The following CTIF variants were observed in gnomAD, a reference collection of about 807,000 sequenced individuals.
The protein encoded by CTIF is CBP80/20-dependent translation initiation factor.
Under a neutral mutation model 66.0 loss-of-function variants are expected in CTIF, and 21 were observed. The observed-to-expected ratio is 0.32, with a 90% CI of 0.23 to 0.46. CTIF has a LOEUF of 0.46. Among genes scored for constraint, CTIF ranks in the 20% least tolerant of loss-of-function variants. The pLI, the probability that CTIF is intolerant of heterozygous loss-of-function variation, is 1.00. For synonymous variants in CTIF, 345 were observed against 326.4 expected (o/e 1.06, Z -0.62); for missense variants, 739 against 812.7 (o/e 0.91, Z 1.10).
intron 7 of CTIF, among the ~76,000 whole-genome samples, chr18:48,712,471 T>G (rs1217825432): frequency 6.6e-6 from 1 of 152,354 alleles, no homozygotes; most frequent in East Asian, 1.9e-4. Flanking sequence ...TGGTCATTTA[T>G]GCAAAAGGGG....
chr18:48,755,441 T>C (rs1391894751), intron 7 of CTIF, among the ~76,000 whole-genome samples: 1 of 152,024 alleles, frequency 6.6e-6, no homozygotes, highest in Non-Finnish European at 1.5e-5. Context: ...TGGGCTGGGC[T>C]GGGTAGTCGG....
chr18:48,688,955 ACTGCAAGACCACATAAG>A (rs1272668148), intron 6 of CTIF, among the ~76,000 whole-genome samples: 2 of 152,230 alleles, frequency 1.3e-5, no homozygotes, highest in African/African-American at 2.4e-5. Context: ...CCAAGTGAGA[ACTGCAAGACCACATAAG>A]CTGCTAATGG....
chr18:48,834,936 T>G lies in CTIF; in HGVS notation c.1527+17560T>G, dbSNP rs566510736. Among the ~76,000 whole-genome samples, 3 of 152,348 alleles carry G rather than the reference T, an allele frequency of 2.0e-5. No individual in the cohort carries two copies. The East Asian group carries it at 5.8e-4, about 29-fold the overall frequency. ...CTCGTGCTGTCAGTTCGCTCCCTTC[T>G]GACCACTCCAACCTGCGCTTTAGAG... is the stretch of plus-strand genomic sequence containing the variant. On this transcript the variant is annotated intron_variant, in intron 10 of 11. Transcript: ENST00000256413.
chr18:48,628,823 A>C (rs1020880430), intron 2 of CTIF, among the ~76,000 whole-genome samples: 3 of 152,086 alleles, frequency 2.0e-5, no homozygotes, highest in African/African-American at 7.2e-5. Context: ...CTCTCTCTCA[A>C]ATCTCAGCCA....
chr18:48,620,762 G>A (rs1009735150), intron 2 of CTIF, among the ~76,000 whole-genome samples: 3 of 152,188 alleles, frequency 2.0e-5, no homozygotes, highest in African/African-American at 7.2e-5. Flanking sequence ...ACAATCAGAA[G>A]GTGAGCTACC....
intron 10 of CTIF, among the ~76,000 whole-genome samples, chr18:48,842,086 G>C (rs1283626656): frequency 6.6e-6 from 1 of 152,226 alleles, no homozygotes; most frequent in East Asian, 1.9e-4. Flanking sequence ...GGGGGTGGGA[G>C]GGTTGGAGAG....
At chr18:48,852,462 C>A (rs1019418134) in intron 10 of CTIF, among the ~76,000 whole-genome samples, 2 of 152,090 alleles carry the variant, frequency 1.3e-5, no homozygotes, top group Non-Finnish European at 2.9e-5. Flanking sequence ...TCACACCCCC[C>A]ACCTCCAACT....
chr18:48,764,221 G>A (rs1254011299), intron 9 of CTIF, among the ~76,000 whole-genome samples: 1 of 152,318 alleles, frequency 6.6e-6, no homozygotes, highest in East Asian at 1.9e-4. Context: ...CAGCCACAAT[G>A]TTCAGTCACC....
At chr18:48,553,219 G>A (rs1009409698) in intron 1 of CTIF, among the ~76,000 whole-genome samples, 2 of 152,288 alleles carry the variant, frequency 1.3e-5, no homozygotes, top group African/African-American at 2.4e-5. Flanking sequence ...TTTGAGTGAC[G>A]TCCACAAAAG....
chr18:48,607,195 A>T (rs2090218026), intron 1 of CTIF, among the ~76,000 whole-genome samples: 1 of 152,096 alleles, frequency 6.6e-6, no homozygotes. Context: ...CTGGGCCTGG[A>T]GGCCACTCCA....
chr18:48,650,221 A>G (rs975161124), intron 3 of CTIF, among the ~76,000 whole-genome samples: 1 of 152,236 alleles, frequency 6.6e-6, no homozygotes, highest in African/African-American at 2.4e-5. Context: ...TAAGGAAGCT[A>G]AAACCCTTGA....
chr18:48,642,111 C>T (rs1398544012), intron 3 of CTIF, among the ~76,000 whole-genome samples: 3 of 152,224 alleles, frequency 2.0e-5, no homozygotes, highest in African/African-American at 4.8e-5. Flanking sequence ...GGTATATGTT[C>T]ATAGTGCTGC....
chr18:48,741,704 T>C (rs1386456659), intron 7 of CTIF, among the ~76,000 whole-genome samples: 4 of 151,984 alleles, frequency 2.6e-5, no homozygotes, highest in Non-Finnish European at 4.4e-5. Flanking sequence ...GGATTACAGG[T>C]ATGAACCACC....
chr18:48,595,452 G>T (rs2089972153), intron 1 of CTIF, among the ~76,000 whole-genome samples: 1 of 151,928 alleles, frequency 6.6e-6, no homozygotes. Flanking sequence ...AGAGAGACAG[G>T]GTCTCAGTCT....
At chr18:48,837,513 AG>A (rs1325767511) in intron 10 of CTIF, among the ~76,000 whole-genome samples, 1 of 152,116 alleles carries the variant, frequency 6.6e-6, no homozygotes, top group Non-Finnish European at 1.5e-5. Context: ...CTATGGGCCT[AG>A]GGGCACCTGA....
chr18:48,844,276 C>T (rs1475156380), intron 10 of CTIF, among the ~76,000 whole-genome samples: 2 of 152,206 alleles, frequency 1.3e-5, no homozygotes, highest in African/African-American at 4.8e-5. Context: ...CCCCAGGGTC[C>T]TGGGGATTCC....
At chr18:48,590,306 G>C (rs992956243) in intron 1 of CTIF, among the ~76,000 whole-genome samples, 1 of 152,052 alleles carries the variant, frequency 6.6e-6, no homozygotes, top group Non-Finnish European at 1.5e-5. Flanking sequence ...AGCAGGGCCT[G>C]CTGTGCAGCG....
intron 7 of CTIF, among the ~76,000 whole-genome samples, chr18:48,720,993 C>A (rs1261602578): frequency 1.3e-5 from 2 of 152,190 alleles, no homozygotes; most frequent in Non-Finnish European, 2.9e-5. Flanking sequence ...ACGCGGGGGA[C>A]AAATGGGTAA....
intron 9 of CTIF, among the ~76,000 whole-genome samples, chr18:48,778,779 G>A (rs35552971): frequency 0.063 from 9,565 of 152,252 alleles, 470 homozygotes; most frequent in African/African-American, 0.13. Flanking sequence ...TGGGTTGGGA[G>A]TGCTCCCTGA....
Sources: gnomAD v4.1 joint callset for allele counts (sites outside exome capture counted in the v4.1 genomes callset) on GRCh38, gnomAD v4.1.1 for gene constraint, MANE v1.5 for transcripts, NCBI Gene and HGNC (gene_info 2026-07-23, HGNC 2026-07-21) for gene names.